CDO1: variants seen among roughly 807,000 people sequenced by gnomAD.
CDO1 encodes cysteine dioxygenase, type I.
In CDO1, 19 loss-of-function variants were observed where a neutral mutation model predicts 24.5. That is an observed-to-expected ratio of 0.77 (90% CI 0.54 to 1.14). The LOEUF is 1.14. Among genes scored for constraint, CDO1 ranks in the 50% most tolerant of loss-of-function variants. The pLI, the probability that CDO1 is intolerant of heterozygous loss-of-function variation, is 0.00. For synonymous variants in CDO1, 91 were observed against 87.0 expected (o/e 1.05, Z -0.26); for missense variants, 244 against 244.8 (o/e 1.00, Z 0.02).
At chr5:115,813,010 T>C (rs1023921112) in intron 2 of CDO1, among the ~76,000 whole-genome samples, 171 bp downstream of exon 2, 1 of 134,614 alleles carries the variant, frequency 7.4e-6, no homozygotes, top group Non-Finnish European at 1.5e-5. Context: ...TCATGCCATT[T>C]CACTCCAGCC....
intron 3 of CDO1, among the ~76,000 whole-genome samples, chr5:115,810,222 C>T (rs1205470325): frequency 6.6e-6 from 1 of 152,160 alleles, no homozygotes; most frequent in Non-Finnish European, 1.5e-5. Flanking sequence ...GAGCTTCCTG[C>T]CACATAGGAA....
intron 3 of CDO1, among the ~76,000 whole-genome samples, chr5:115,808,051 C>G (rs774515973): frequency 2.6e-5 from 4 of 152,132 alleles, no homozygotes; most frequent in Non-Finnish European, 5.9e-5. Context: ...GGGATCTTGG[C>G]TCATTGTAGC....
chr5:115,813,142 A>G (rs1247943895), intron 2 of CDO1, 39 bp downstream of exon 2: 3 of 1,155,892 alleles, frequency 2.6e-6, no homozygotes, highest in East Asian at 4.7e-5. Flanking sequence ...GCTAGAAAAC[A>G]TGCTCTAATA....
intron 3 of CDO1, among the ~76,000 whole-genome samples, chr5:115,807,415 G>A (rs1759993362): frequency 6.6e-6 from 1 of 152,106 alleles, no homozygotes; most frequent in Non-Finnish European, 1.5e-5. Context: ...ACATTGCCAA[G>A]GTCACCAGAC....
chr5:115,806,603 T>C (rs1759958663), intron 3 of CDO1, 85 bp from the exon 4 acceptor site: 5 of 958,440 alleles, frequency 5.2e-6, no homozygotes, highest in Non-Finnish European at 7.8e-6. Flanking sequence ...TCTGAGATCA[T>C]GAATCAATTG....
In CDO1 at chr5:115,805,207, C is replaced by G; in HGVS notation, c.*226G>C. ...ACTATGAGAGCACTTGAAAACTTGC[C>G]TTTAAAAATCACAAGACTTTCTTTT... On this transcript the variant is annotated 3_prime_UTR_variant, in exon 5 of 5. Coordinates refer to ENST00000250535, the MANE Select transcript of CDO1 (RefSeq NM_001801.3). 2.1e-6 allele frequency: 1 copy of G among 476,882 alleles called. No homozygotes were observed. Among genetic ancestry groups the G allele is most frequent in the Non-Finnish European group, 3.7e-6 (1 of 270,222 alleles). 29.5% of individuals were successfully genotyped at this position (476,882 alleles called of 1,614,324 possible). A position where few individuals can be genotyped will look rare whatever the true frequency, so the allele number is the denominator to read the frequency against.
chr5:115,813,314 GA>G, intron 1 of CDO1, 56 bp from the exon 2 acceptor site: 1 of 932,686 alleles, frequency 1.1e-6, no homozygotes, highest in Non-Finnish European at 1.8e-6. Flanking sequence ...ACAAGCACTG[GA>G]AAAAATAAGT....
At chr5:115,807,693 G>T (rs2112679268) in intron 3 of CDO1, among the ~76,000 whole-genome samples, 1 of 151,248 alleles carries the variant, frequency 6.6e-6, no homozygotes, top group East Asian at 1.9e-4. Flanking sequence ...AAAAAAAGAG[G>T]AACAGTTCAA....
Position 115,812,042 on chromosome 5 carries a change from A to G in CDO1, c.249-727T>C, listed in dbSNP as rs150792456. ...AGGGTTAATTAAAATATATGTATCT[A>G]TATACATTTTGGGTATTCATTTCAT... On this transcript the variant is annotated intron_variant, in intron 2 of 4. Transcript: ENST00000250535. Among the ~76,000 whole-genome samples, 1,414 of 152,280 alleles carry G rather than the reference A, an allele frequency of 9.3e-3. 20 individuals carry two copies. Among genetic ancestry groups the G allele is most frequent in the African/African-American group, 0.032 (1,339 of 41,550 alleles).
At chr5:115,807,239 A>G (rs1035261878) in intron 3 of CDO1, among the ~76,000 whole-genome samples, 2 of 152,240 alleles carry the variant, frequency 1.3e-5, no homozygotes, top group African/African-American at 4.8e-5. Flanking sequence ...GCAACTTCTC[A>G]GAGAATCTGA....
intron 4 of CDO1, 70 bp from the exon 5 acceptor site, chr5:115,805,532 A>C: frequency 7.0e-7 from 1 of 1,435,902 alleles, no homozygotes; most frequent in Non-Finnish European, 9.8e-7. Flanking sequence ...CCTTCTAAAT[A>C]GTTCTGCTTT....
chr5:115,815,571 G>A (rs1341479387), intron 1 of CDO1, among the ~76,000 whole-genome samples: 12 of 152,226 alleles, frequency 7.9e-5, no homozygotes, highest in Non-Finnish European at 1.3e-4. Context: ...TTGGGAAAGG[G>A]AACAGCAGAA....
At chr5:115,812,074 A>G (rs996294461) in intron 2 of CDO1, among the ~76,000 whole-genome samples, 2 of 152,144 alleles carry the variant, frequency 1.3e-5, no homozygotes, top group African/African-American at 4.8e-5. Flanking sequence ...TCATCTATTG[A>G]ATTTTATTAA....
chr5:115,810,265 A>G (rs190637467), intron 3 of CDO1, among the ~76,000 whole-genome samples: 22 of 152,328 alleles, frequency 1.4e-4, no homozygotes, highest in African/African-American at 5.1e-4. Flanking sequence ...AATGAGCGAC[A>G]ACTTCCCATA....
In CDO1 at chr5:115,811,302, G is replaced by T. The variant is rs1459171865; in HGVS notation, c.262C>A (p.His88Asn). ...GEGHGSSIHD[H>N]TNSHCFLKML... Reference sequence around the variant, plus strand: ...TTCAGAAAGCAGTGGGAGTTGGTATGATCATGAATACTGCTATATGTACAC... The same window carrying T: ...TTCAGAAAGCAGTGGGAGTTGGTATTATCATGAATACTGCTATATGTACAC... The change falls in exon 3 of 5, where the codon CAT (histidine) becomes AAT (asparagine). Residue 88 changes from histidine (H) to asparagine (N), a missense_variant. Coordinates refer to ENST00000250535, the MANE Select transcript of CDO1 (RefSeq NM_001801.3). The T allele has an allele frequency of 1.9e-6, 3 of 1,612,118 alleles. No individual in the cohort carries two copies. Among genetic ancestry groups the T allele is most frequent in the Non-Finnish European group, 2.5e-6 (3 of 1,178,816 alleles).
chr5:115,809,944 C>T (rs1303815242), intron 3 of CDO1, among the ~76,000 whole-genome samples: 1 of 152,154 alleles, frequency 6.6e-6, no homozygotes. Flanking sequence ...AGCTTTATCC[C>T]TGATGTATAC....
At position 115,805,394 on chromosome 5, in the gene CDO1, G is replaced by C; in HGVS notation, c.*39C>G. ...CCTTTTTGTCCAAGGCAAACATACA[G>C]CGAACCTTAAAGTAAAACCTCAGAG... is the stretch of plus-strand genomic sequence containing the variant. On this transcript the variant is annotated 3_prime_UTR_variant, in exon 5 of 5. Transcript: ENST00000250535. 3 of 1,600,862 alleles carry C rather than the reference G, an allele frequency of 1.9e-6. No individual in the cohort carries two copies. The highest frequency in any genetic ancestry group is 2.6e-6 in the Non-Finnish European group (3 of 1,170,340).
chr5:115,813,847 C>CA (rs1243788603), intron 1 of CDO1: 1 of 152,562 alleles, frequency 6.6e-6, no homozygotes, highest in African/African-American at 2.4e-5. Context: ...AAACCTCTTA[C>CA]AATTAGGAGA....
At chr5:115,814,120 C>T (rs1281228002) in intron 1 of CDO1, among the ~76,000 whole-genome samples, 2 of 152,028 alleles carry the variant, frequency 1.3e-5, no homozygotes, top group Non-Finnish European at 2.9e-5. Flanking sequence ...CCTTCGTCAT[C>T]GGTTAACTCT....
Sources: gnomAD v4.1 joint callset for allele counts (sites outside exome capture counted in the v4.1 genomes callset) on GRCh38, gnomAD v4.1.1 for gene constraint, MANE v1.5 for transcripts, NCBI Gene and HGNC (gene_info 2026-07-23, HGNC 2026-07-21) for gene names.